Variants in KLF17 observed in about 807,000 individuals in gnomAD.
KLF17 encodes Krueppel-like factor 17.
KLF17 carries 31 observed loss-of-function variants against 34.2 expected under a neutral mutation model. That is an observed-to-expected ratio of 0.91 (90% CI 0.68 to 1.22). The LOEUF (loss-of-function observed/expected upper bound fraction) is 1.22. KLF17 is among the 50% of genes most tolerant of loss of function. The probability of loss-of-function intolerance (pLI) is 0.00; values close to 1 mark genes in which losing one functional copy is unlikely to be tolerated. For missense variants in KLF17, 478 were observed against 505.2 expected (o/e 0.95, Z 0.52); for synonymous variants, 179 against 186.7 (o/e 0.96, Z 0.34).
chr1:44,119,584 G>A (rs920467732), intron 1 of KLF17, among the ~76,000 whole-genome samples: 3 of 152,170 alleles, frequency 2.0e-5, no homozygotes, highest in Non-Finnish European at 4.4e-5. Flanking sequence ...AGTCAGGGGC[G>A]CGTGGGAGCA....
rs773125016 is a variant in KLF17, at chr1:44,130,202, G to A, written c.925+6G>A. On this transcript the variant is annotated splice_donor_region_variant and intron_variant, in intron 2 of 3. Coordinates refer to ENST00000372299, the MANE Select transcript of KLF17 (RefSeq NM_173484.4). ...CCACCAGCGCAAGCACACAGGTGAA[G>A]GAGGTGTCAGGTGGGGTGGGGATGG... 3 of 1,601,972 alleles carry A rather than the reference G, an allele frequency of 1.9e-6. No homozygotes were observed. Among genetic ancestry groups the A allele is most frequent in the South Asian group, 2.2e-5 (2 of 89,376 alleles).
the KLF17 span, among the ~76,000 whole-genome samples, chr1:44,111,187 A>G: frequency 1.4e-5 from 2 of 143,760 alleles, no homozygotes; most frequent in South Asian, 4.7e-4. Context: ...GAGATGAAGA[A>G]GTGTCACTGT....
chr1:44,120,861 G>A (rs953101773), intron 1 of KLF17, among the ~76,000 whole-genome samples: 1 of 152,174 alleles, frequency 6.6e-6, no homozygotes, highest in East Asian at 1.9e-4. Flanking sequence ...GCTCACACCT[G>A]TAGTCCCAGC....
At chr1:44,060,280 G>A in the KLF17 span, among the ~76,000 whole-genome samples, 37 of 152,174 alleles carry the variant, frequency 2.4e-4, no homozygotes, top group South Asian at 1.9e-3. Flanking sequence ...GACCAGCCTG[G>A]CCAACATGGT....
intron 1 of KLF17, among the ~76,000 whole-genome samples, chr1:44,127,147 G>T (rs1408041671): frequency 6.6e-6 from 1 of 151,050 alleles, no homozygotes; most frequent in Non-Finnish European, 1.5e-5. Context: ...GGACTCAAGA[G>T]ATCCTTCCAC....
intron 1 of KLF17, among the ~76,000 whole-genome samples, chr1:44,121,960 A>G (rs566051729): frequency 6.6e-6 from 1 of 152,360 alleles, no homozygotes; most frequent in Admixed American, 6.5e-5. Flanking sequence ...TACTGGTTTT[A>G]ACACCAAATT....
the KLF17 span, chr1:44,104,285 C>A: frequency 6.3e-7 from 1 of 1,581,848 alleles, no homozygotes; most frequent in Non-Finnish European, 8.6e-7. Flanking sequence ...TGCCAAGCTC[C>A]GTCTCCAGCT....
upstream of KLF17, chr1:44,114,265 G>T (rs191396636): frequency 6.6e-6 from 1 of 152,334 alleles, no homozygotes; most frequent in African/African-American, 2.4e-5. Flanking sequence ...GAATCAGGAA[G>T]ATTAAATCAC....
At chr1:44,079,938 T>TC in the KLF17 span, among the ~76,000 whole-genome samples, 1 of 151,856 alleles carries the variant, frequency 6.6e-6, no homozygotes, top group Middle Eastern at 3.2e-3. Flanking sequence ...TTTTTTTTTT[T>TC]CTTTTTTTGA....
the KLF17 span, among the ~76,000 whole-genome samples, chr1:44,101,196 A>G: frequency 1.3e-5 from 2 of 152,138 alleles, no homozygotes; most frequent in Non-Finnish European, 1.5e-5. Flanking sequence ...CTACCTACCT[A>G]TATCTTTATC....
At chr1:44,116,829 C>T (rs1423838731), upstream of KLF17, among the ~76,000 whole-genome samples, 2 of 152,220 alleles carry the variant, frequency 1.3e-5, no homozygotes, top group African/African-American at 4.8e-5. Flanking sequence ...TAACTACCAT[C>T]TCTATGCTGA....
the KLF17 span, among the ~76,000 whole-genome samples, chr1:44,094,194 T>G: frequency 1.6e-4 from 3 of 18,520 alleles, no homozygotes; most frequent in Non-Finnish European, 2.8e-4. Context: ...AGGTTATTTG[T>G]TTTTTTTTTC....
chr1:44,120,125 G>C (rs1418828221), intron 1 of KLF17, among the ~76,000 whole-genome samples: 3 of 152,218 alleles, frequency 2.0e-5, no homozygotes, highest in Admixed American at 1.3e-4. Flanking sequence ...CATTTTCTGA[G>C]AGAGAGTGAA....
At chr1:44,115,437 C>G (rs1399173635), upstream of KLF17, 2 of 109,306 alleles carry the variant, frequency 1.8e-5, no homozygotes, top group South Asian at 6.5e-4. Context: ...GGCAATGGAG[C>G]GAGACTCTGT....
chr1:44,112,393 C>CTT, the KLF17 span, among the ~76,000 whole-genome samples: 1 of 120,138 alleles, frequency 8.3e-6, no homozygotes, highest in Non-Finnish European at 1.9e-5. Flanking sequence ...CTTTTTCTTT[C>CTT]TTTTTTTTAT....
At chr1:44,122,044 T>C in intron 1 of KLF17, 1 of 737,118 alleles carries the variant, frequency 1.4e-6, no homozygotes, top group Non-Finnish European at 2.3e-6. Context: ...TTTTCCTTTT[T>C]TCATTTTTTT....
At chr1:44,130,476 G>A in intron 2 of KLF17, 36 bp from the exon 3 acceptor site, 1 of 1,613,262 alleles carries the variant, frequency 6.2e-7, no homozygotes, top group Non-Finnish European at 8.5e-7. Context: ...CCTTCCTACT[G>A]TATTCTAAAT....
the KLF17 span, among the ~76,000 whole-genome samples, chr1:44,072,482 T>C: frequency 6.6e-6 from 1 of 151,472 alleles, no homozygotes; most frequent in Non-Finnish European, 1.5e-5. Flanking sequence ...AGGCCAGGAG[T>C]TTGAGACCAG....
chr1:44,092,045 A>AC, the KLF17 span, among the ~76,000 whole-genome samples: 2 of 151,136 alleles, frequency 1.3e-5, no homozygotes, highest in Non-Finnish European at 3.0e-5. Context: ...AAAAAAAAAA[A>AC]AAAACTTGCT....
Sources: gnomAD v4.1 joint callset for allele counts (sites outside exome capture counted in the v4.1 genomes callset) on GRCh38, gnomAD v4.1.1 for gene constraint, MANE v1.5 for transcripts, NCBI Gene and HGNC (gene_info 2026-07-23, HGNC 2026-07-21) for gene names.